Variants in CHORDC1 observed in about 807,000 individuals in gnomAD.
The protein encoded by CHORDC1 is cysteine and histidine-rich domain-containing protein 1.
Under a neutral mutation model 48.3 loss-of-function variants are expected in CHORDC1, and 25 were observed. That is an observed-to-expected ratio of 0.52 (90% CI 0.38 to 0.72). CHORDC1 has a LOEUF of 0.72. Among genes scored for constraint, CHORDC1 ranks in the 30% least tolerant of loss-of-function variants. CHORDC1 has a pLI of 0.00. For synonymous variants in CHORDC1, 128 were observed against 126.4 expected (o/e 1.01, Z -0.09); for missense variants, 317 against 388.7 (o/e 0.82, Z 1.55).
In CHORDC1 at chr11:90,223,010, C is replaced by A. The variant is rs115445058; in HGVS notation, c.-56G>T. On this transcript the variant is annotated 5_prime_UTR_variant, in exon 1 of 11. Transcript: ENST00000320585. ...AAACACCGGGAACGGCAAGAGGATGCGTTTGCCACTCCCGTGTCGCTAGCA... is the reference window on the plus strand; with the variant it reads ...AAACACCGGGAACGGCAAGAGGATGAGTTTGCCACTCCCGTGTCGCTAGCA... 1.5e-3 allele frequency: 2,191 copies of A among 1,451,468 alleles called. 31 individuals carry two copies. In the African/African-American group the frequency reaches 0.028, roughly 18 times the overall value. The allele number at this position is 1,451,468 out of a possible 1,614,324, so 89.9% of individuals were successfully genotyped here.
intron 1 of CHORDC1, among the ~76,000 whole-genome samples, chr11:90,222,337 G>A (rs1858192268): frequency 6.6e-6 from 1 of 152,226 alleles, no homozygotes; most frequent in Non-Finnish European, 1.5e-5. Context: ...ACAGCGTGAA[G>A]ATACAGAGTA....
At chr11:90,215,357 G>A (rs2135049870) in intron 2 of CHORDC1, 127 bp from the exon 3 acceptor site, 1 of 489,850 alleles carries the variant, frequency 2.0e-6, no homozygotes, top group Non-Finnish European at 3.7e-6. Context: ...CAAAATTTCA[G>A]TGTTGCATAT....
chr11:90,202,368 T>G lies in CHORDC1; in HGVS notation c.*37A>C, dbSNP rs986818755. The G allele has an allele frequency of 6.3e-7, 1 of 1,596,496 alleles. No individual in the cohort carries two copies. The highest frequency in any genetic ancestry group is 1.3e-5 in the African/African-American group (1 of 74,434). On this transcript the variant is annotated 3_prime_UTR_variant, in exon 11 of 11. Transcript: ENST00000320585. Reference sequence around the variant, plus strand: ...CACCACTTCACACAGTATTAAAAATTCGGAAATAATGTAATAGCCTTCCTT... The same window carrying G: ...CACCACTTCACACAGTATTAAAAATGCGGAAATAATGTAATAGCCTTCCTT...
intron 1 of CHORDC1, among the ~76,000 whole-genome samples, chr11:90,221,337 C>A (rs528218145): frequency 6.6e-6 from 1 of 152,134 alleles, no homozygotes; most frequent in Non-Finnish European, 1.5e-5. Context: ...AAAATGTATT[C>A]TAAGTCTCTA....
At chr11:90,204,448 C>A (rs766782341) in intron 8 of CHORDC1, among the ~76,000 whole-genome samples, 2 of 152,110 alleles carry the variant, frequency 1.3e-5, no homozygotes, top group African/African-American at 4.8e-5. Context: ...GGGCCAGGCG[C>A]GGTGGCTCAC....
At chr11:90,215,291 A>T in intron 2 of CHORDC1, 61 bp from the exon 3 acceptor site, 1 of 1,125,832 alleles carries the variant, frequency 8.9e-7, no homozygotes, top group Non-Finnish European at 1.3e-6. Flanking sequence ...CGACCCACTA[A>T]AACACTCTAC....
In CHORDC1 at chr11:90,202,416, T is replaced by C. The variant is rs568798563; in HGVS notation, c.988A>G (p.Thr330Ala). The change falls in exon 11 of 11, where the codon ACA (threonine) becomes GCA (alanine). Residue 330 changes from threonine to alanine, a missense_variant. Transcript: ENST00000320585. ...AKKQEKQKDA[T>A]TD is the part of the protein sequence containing the mutation. Reference sequence around the variant, plus strand: ...CTTCCATCTCCCACTCAATCTGTTGTGGCATCTTTTTGTTTTTCCTGCTTT... The same window carrying C: ...CTTCCATCTCCCACTCAATCTGTTGCGGCATCTTTTTGTTTTTCCTGCTTT... The C allele has an allele frequency of 8.1e-5, 130 of 1,611,668 alleles. 2 individuals carry two copies. The South Asian group carries it at 1.0e-3, about 13-fold the overall frequency.
intron 9 of CHORDC1, 21 bp downstream of exon 9, chr11:90,203,286 CA>C: frequency 1.3e-6 from 2 of 1,546,194 alleles, no homozygotes; most frequent in Non-Finnish European, 1.8e-6. Context: ...AACTTTTACC[CA>C]AAATTATAAG....
Position 90,220,011 on chromosome 11 carries a change from T to C in CHORDC1, c.65-1827A>G, listed in dbSNP as rs553980084. ...TGAATGTAGCCCAACACAAATTTCGTAAACTGTCTTAAAACATTATGAATT... is the reference window on the plus strand; with the variant it reads ...TGAATGTAGCCCAACACAAATTTCGCAAACTGTCTTAAAACATTATGAATT... On this transcript the variant is annotated intron_variant, in intron 1 of 10. Coordinates refer to ENST00000320585, the MANE Select transcript of CHORDC1 (RefSeq NM_012124.3). Among the ~76,000 whole-genome samples, 13 of 152,366 alleles carry C rather than the reference T, an allele frequency of 8.5e-5. No homozygotes were observed. The South Asian group carries it at 2.7e-3, about 32-fold the overall frequency.
chr11:90,213,186 T>G (rs11601793), intron 4 of CHORDC1: 65,690 of 421,272 alleles, frequency 0.16, 5,895 homozygotes, highest in Non-Finnish European at 0.19. Context: ...AATGAACAAA[T>G]AAACATCTAA....
chr11:90,203,707 T>G (rs964091620), intron 8 of CHORDC1, among the ~76,000 whole-genome samples: 3 of 152,140 alleles, frequency 2.0e-5, no homozygotes, highest in African/African-American at 7.2e-5. Flanking sequence ...AAAAAGACAA[T>G]TTAAGAACTC....
intron 1 of CHORDC1, 32 bp downstream of exon 1, chr11:90,222,854 TGGAGG>T (rs747080431): frequency 2.5e-5 from 39 of 1,571,936 alleles, no homozygotes; most frequent in Non-Finnish European, 3.1e-5. Flanking sequence ...GCTGATGAGG[TGGAGG>T]GGAGGGAGGG....
chr11:90,210,831 A>C, intron 5 of CHORDC1: 1 of 432,254 alleles, frequency 2.3e-6, no homozygotes, highest in Non-Finnish European at 4.1e-6. Context: ...CCAGTATCTT[A>C]ACTTTGTAAA....
intron 6 of CHORDC1, chr11:90,207,456 C>A (rs1419943690): frequency 6.6e-6 from 1 of 151,952 alleles, no homozygotes; most frequent in Non-Finnish European, 1.5e-5. Context: ...ATGGAAAGCA[C>A]TAGTCATAAA....
Position 90,214,139 on chromosome 11 carries a change from G to A in CHORDC1, c.208C>T (p.Pro70Ser). The A allele has an allele frequency of 6.2e-7, 1 of 1,613,336 alleles. No individual in the cohort carries two copies. Among genetic ancestry groups the A allele is most frequent in the South Asian group, 1.1e-5 (1 of 91,002 alleles). Residue 70 changes from proline (P) to serine (S), a missense_variant, in exon 4 of 11, where the codon CCT becomes TCT. Coordinates refer to ENST00000320585, the MANE Select transcript of CHORDC1 (RefSeq NM_012124.3). ...TKGRHNSEKPPEPVKPEVKTT... is the reference protein window; with the variant it reads ...TKGRHNSEKPSEPVKPEVKTT... ...TTGACTTCAGGTTTGACTGGCTCAG[G>A]TGGCTTCTCACTATTATGTCTACCT...
At chr11:90,215,028 G>C (rs1793246065) in intron 3 of CHORDC1, 146 bp downstream of exon 3, 1 of 445,164 alleles carries the variant, frequency 2.2e-6, no homozygotes, top group Non-Finnish European at 4.1e-6. Flanking sequence ...AGCTGTGGAA[G>C]GGAGATGAGC....
chr11:90,214,316 C>G, intron 3 of CHORDC1, 141 bp from the exon 4 acceptor site: 1 of 701,326 alleles, frequency 1.4e-6, no homozygotes, highest in South Asian at 3.8e-5. Context: ...AAATTAAAAA[C>G]AGAACTCCAA....
chr11:90,221,543 CGTCA>C (rs1262915775), intron 1 of CHORDC1, among the ~76,000 whole-genome samples: 2 of 152,272 alleles, frequency 1.3e-5, no homozygotes, highest in African/African-American at 2.4e-5. Flanking sequence ...ATAAGCAAAG[CGTCA>C]GTCTTTCCCC....
intron 4 of CHORDC1, chr11:90,213,134 T>A (rs1351199956): frequency 3.0e-6 from 1 of 328,698 alleles, no homozygotes; most frequent in African/African-American, 2.1e-5. Context: ...AATAAAATCA[T>A]CCTGAGTAGT....
Sources: gnomAD v4.1 joint callset for allele counts (sites outside exome capture counted in the v4.1 genomes callset) on GRCh38, gnomAD v4.1.1 for gene constraint, MANE v1.5 for transcripts, NCBI Gene and HGNC (gene_info 2026-07-23, HGNC 2026-07-21) for gene names.